The following STOX2 variants were observed in gnomAD, a reference collection of about 807,000 sequenced individuals.
STOX2 encodes the protein storkhead-box protein 2.
In STOX2, 28 loss-of-function variants were observed where a neutral mutation model predicts 60.9. The ratio of observed to expected loss-of-function variants is 0.46; its 90% confidence interval spans 0.34 to 0.63. The LOEUF (loss-of-function observed/expected upper bound fraction) is 0.63. Among genes scored for constraint, STOX2 ranks in the 30% least tolerant of loss-of-function variants. The pLI is 0.01. For synonymous variants in STOX2, 472 were observed against 463.9 expected (o/e 1.02, Z -0.22); for missense variants, 1,024 against 1,187.7 (o/e 0.86, Z 2.03).
intron 1 of STOX2, among the ~76,000 whole-genome samples, chr4:183,924,409 T>C (rs1256547213): frequency 1.3e-5 from 2 of 151,992 alleles, no homozygotes; most frequent in Non-Finnish European, 2.9e-5. Context: ...GAGCCCCGTG[T>C]CTGCCCTTGG....
At chr4:183,989,135 G>A (rs1191299822) in intron 1 of STOX2, among the ~76,000 whole-genome samples, 2 of 151,720 alleles carry the variant, frequency 1.3e-5, no homozygotes, top group African/African-American at 2.4e-5. Context: ...CTCTGAGGGA[G>A]GCATTCAGTA....
intron 1 of STOX2, among the ~76,000 whole-genome samples, chr4:183,999,130 A>C (rs1009157400): frequency 5.9e-5 from 9 of 152,164 alleles, no homozygotes; most frequent in Non-Finnish European, 8.8e-5. Context: ...GATATGACAA[A>C]TCTTTTCTTT....
chr4:183,807,127 C>T (rs554943433), intron 1 of STOX2, among the ~76,000 whole-genome samples: 46 of 152,218 alleles, frequency 3.0e-4, no homozygotes, highest in South Asian at 6.2e-4. Flanking sequence ...CGACCACCAC[C>T]ACGCCCAGCT....
chr4:183,848,491 A>G (rs1349916491), intron 1 of STOX2, among the ~76,000 whole-genome samples: 1 of 152,206 alleles, frequency 6.6e-6, no homozygotes, highest in African/African-American at 2.4e-5. Context: ...TGGCCAAAAG[A>G]AGAGATTACC....
chr4:183,816,208 TA>T, intron 1 of STOX2, among the ~76,000 whole-genome samples: 1 of 152,222 alleles, frequency 6.6e-6, no homozygotes, highest in Non-Finnish European at 1.5e-5. Flanking sequence ...CAGTTAGCCT[TA>T]GTCATAAAAG....
chr4:183,972,210 C>G (rs372006126), intron 1 of STOX2, among the ~76,000 whole-genome samples: 1 of 152,170 alleles, frequency 6.6e-6, no homozygotes, highest in South Asian at 2.1e-4. Flanking sequence ...AACTGTGGTC[C>G]TAAGAGCATG....
intron 1 of STOX2, among the ~76,000 whole-genome samples, chr4:183,972,899 G>A (rs7657961): frequency 0.077 from 11,648 of 152,162 alleles, 730 homozygotes; most frequent in African/African-American, 0.17. Flanking sequence ...AATAGATTAT[G>A]TAATGCAGAA....
chr4:183,943,636 T>A (rs1742807993), intron 1 of STOX2, among the ~76,000 whole-genome samples: 1 of 152,104 alleles, frequency 6.6e-6, no homozygotes, highest in Non-Finnish European at 1.5e-5. Context: ...AAAAAAGAAA[T>A]CTCAGGCCAA....
chr4:183,853,546 C>A (rs943239104), intron 1 of STOX2: 4 of 152,138 alleles, frequency 2.6e-5, no homozygotes, highest in Admixed American at 6.5e-5. Context: ...TAAGGAGATC[C>A]CACACCTTTC....
chr4:183,821,717 C>T lies in STOX2; in HGVS notation c.364+23662C>T, dbSNP rs1739306427. Among the ~76,000 whole-genome samples the T allele has an allele frequency of 6.6e-6, 1 of 152,200 alleles. No homozygotes were observed. The highest frequency in any genetic ancestry group is 1.5e-5 in the Non-Finnish European group (1 of 68,032). On this transcript the variant is annotated intron_variant, in intron 1 of 2. Transcript: ENST00000513034. The surrounding 1 kb of genome is among the most constrained non-coding windows in gnomAD (Gnocchi z 4.2). The stretch of plus-strand genomic sequence containing the variant: ...CACCCCACCACCTCCCTTTTGAGCC[C>T]TGCCTAGAGGGGAGGGGAGGGGTCC...
At chr4:183,920,631 T>G (rs11930663) in intron 1 of STOX2, among the ~76,000 whole-genome samples, 14,344 of 152,202 alleles carry the variant, frequency 0.094, 1,152 homozygotes, top group African/African-American at 0.21. Context: ...TATCTTGCCT[T>G]ACCCAAAGAA....
intron 1 of STOX2, among the ~76,000 whole-genome samples, chr4:183,886,077 C>CAGATGGTTG (rs1741072575): frequency 2.7e-5 from 4 of 146,602 alleles, no homozygotes; most frequent in East Asian, 2.0e-4. Flanking sequence ...GGTGAAGGTT[C>CAGATGGTTG]CGATGGTTGC....
At chr4:183,920,616 A>G (rs1742074206) in intron 1 of STOX2, among the ~76,000 whole-genome samples, 1 of 152,168 alleles carries the variant, frequency 6.6e-6, no homozygotes, top group Non-Finnish European at 1.5e-5. Context: ...GGTTCTTCTG[A>G]GAATTATCTT....
chr4:183,858,395 G>T (rs1740352753), intron 1 of STOX2, among the ~76,000 whole-genome samples: 2 of 152,210 alleles, frequency 1.3e-5, no homozygotes, highest in African/African-American at 4.8e-5. Flanking sequence ...CCACCCGGCA[G>T]CTCTTCTGCT....
intron 1 of STOX2, among the ~76,000 whole-genome samples, chr4:183,953,432 G>T (rs1173237943): frequency 6.6e-6 from 1 of 152,180 alleles, no homozygotes; most frequent in Non-Finnish European, 1.5e-5. Context: ...CCCACTAGAG[G>T]TCCTGGAGGC....
At chr4:183,864,339 A>C (rs1740517252) in intron 1 of STOX2, among the ~76,000 whole-genome samples, 1 of 152,206 alleles carries the variant, frequency 6.6e-6, no homozygotes, top group Non-Finnish European at 1.5e-5. Flanking sequence ...AACTAAAAGA[A>C]GAGTAATCTC....
intron 2 of STOX2, among the ~76,000 whole-genome samples, chr4:184,007,028 AAAAAC>A (rs1307690987): frequency 6.2e-5 from 8 of 129,816 alleles, no homozygotes; most frequent in African/African-American, 2.9e-4. Flanking sequence ...AAAAAAAAAA[AAAAAC>A]AAAACAAAAA....
chr4:183,922,681 A>G (rs1742137470), intron 1 of STOX2, among the ~76,000 whole-genome samples: 1 of 152,180 alleles, frequency 6.6e-6, no homozygotes, highest in Non-Finnish European at 1.5e-5. Context: ...GGTACAGTTC[A>G]GTGGTATTAA....
chr4:183,930,009 G>A lies in STOX2; in HGVS notation c.166+23053G>A, dbSNP rs1225321468. On this transcript the variant is annotated intron_variant, in intron 1 of 3. Transcript: ENST00000308497. ...CTCCCGAGTAGCTGGGACTATGGGCGCCCCTCACCACGCCTGGCTAATTTT... is the reference window on the plus strand; with the variant it reads ...CTCCCGAGTAGCTGGGACTATGGGCACCCCTCACCACGCCTGGCTAATTTT... 2.6e-5 allele frequency among the ~76,000 whole-genome samples: 4 copies of A among 151,928 alleles called. No homozygotes were observed. The South Asian group carries it at 6.3e-4, about 24-fold the overall frequency.
Sources: gnomAD v4.1 joint callset for allele counts (sites outside exome capture counted in the v4.1 genomes callset) on GRCh38, gnomAD v4.1.1 for gene constraint, Gnocchi (gnomAD v3.1) non-coding constraint, MANE v1.5 for transcripts, NCBI Gene and HGNC (gene_info 2026-07-23, HGNC 2026-07-21) for gene names.